The following OR4Q3 variants were observed in gnomAD, a reference collection of about 807,000 sequenced individuals.
OR4Q3 encodes olfactory receptor family 4 subfamily Q member 3.
A neutral mutation model predicts 18.8 loss-of-function variants in OR4Q3; 17 were observed. The ratio of observed to expected loss-of-function variants is 0.91; its 90% CI spans 0.62 to 1.36. The LOEUF is 1.36. Among genes scored for constraint, OR4Q3 ranks in the 40% most tolerant of loss-of-function variants. The pLI is 0.00. For synonymous variants in OR4Q3, 158 were observed against 145.8 expected (o/e 1.08, Z -0.60); for missense variants, 378 against 373.4 (o/e 1.01, Z -0.10).
At chr14:19,744,385 G>A (rs4396455) in intron 1 of OR4Q3, among the ~76,000 whole-genome samples, 19,224 of 149,282 alleles carry the variant, frequency 0.13, 559 homozygotes, top group South Asian at 0.23. Context: ...AGCAAAATAT[G>A]GTATACTGTT....
exon 2 of OR4Q3, chr14:19,749,253 C>T: frequency 6.6e-6 from 1 of 152,262 alleles, no homozygotes. Context: ...AATAAATTTA[C>T]TTAACTTCAT....
At chr14:19,747,324 A>G in intron 1 of OR4Q3, 82 bp from the exon 2 acceptor site, 1 of 582,974 alleles carries the variant, frequency 1.7e-6, no homozygotes, top group Non-Finnish European at 2.6e-6. Context: ...TATGTAATTT[A>G]TATATTATAT....
chr14:19,748,514 C>A, exon 2 of OR4Q3: 1 of 679,640 alleles, frequency 1.5e-6, no homozygotes, highest in Non-Finnish European at 2.4e-6. Flanking sequence ...CTCTTGATTA[C>A]AATTTAAAAG....
intron 1 of OR4Q3, among the ~76,000 whole-genome samples, chr14:19,743,898 G>A (rs1877370621): frequency 6.6e-6 from 1 of 152,130 alleles, no homozygotes; most frequent in South Asian, 2.1e-4. Context: ...AGGGCTAGTG[G>A]CATCTTAGAA....
At chr14:19,746,104 A>G in intron 1 of OR4Q3, among the ~76,000 whole-genome samples, 1 of 151,980 alleles carries the variant, frequency 6.6e-6, no homozygotes, top group Non-Finnish European at 1.5e-5. Context: ...TAAATACCTG[A>G]TATCTAGTAT....
exon 2 of OR4Q3, chr14:19,748,141 C>A: frequency 3.1e-6 from 5 of 1,614,094 alleles, no homozygotes; most frequent in Non-Finnish European, 4.2e-6. Flanking sequence ...ACAAGGTCTT[C>A]TCTACCTGTG....
chr14:19,749,247 A>C, exon 2 of OR4Q3: 2 of 152,248 alleles, frequency 1.3e-5, no homozygotes, highest in Admixed American at 6.6e-5. Context: ...TTGAGGAATA[A>C]ATTTACTTAA....
At chr14:19,750,393 T>A, downstream of OR4Q3, among the ~76,000 whole-genome samples, 1 of 152,242 alleles carries the variant, frequency 6.6e-6, no homozygotes, top group South Asian at 2.1e-4. Context: ...TGACATAGGA[T>A]CCTTGCAATA....
At chr14:19,746,608 C>T in intron 1 of OR4Q3, among the ~76,000 whole-genome samples, 5 of 152,138 alleles carry the variant, frequency 3.3e-5, no homozygotes, top group Non-Finnish European at 7.4e-5. Context: ...GAGTCTGACG[C>T]TTCCCTAAAT....
exon 1 of OR4Q3, chr14:19,743,588 G>A (rs1215387288): frequency 6.6e-6 from 1 of 152,464 alleles, no homozygotes; most frequent in South Asian, 2.1e-4. Context: ...TTGCTGGCCT[G>A]AGGCTGAAGA....
intron 1 of OR4Q3, among the ~76,000 whole-genome samples, chr14:19,746,469 G>C: frequency 6.6e-6 from 1 of 152,104 alleles, no homozygotes; most frequent in Non-Finnish European, 1.5e-5. Context: ...CACAACTCTG[G>C]TTTCTCTTAT....
chr14:19,748,451 C>T, exon 2 of OR4Q3: 4 of 1,008,668 alleles, frequency 4.0e-6, no homozygotes, highest in Non-Finnish European at 4.4e-6. Context: ...GTAAAAACCA[C>T]TTTGATGACG....
chr14:19,744,848 G>T, intron 1 of OR4Q3, among the ~76,000 whole-genome samples: 1 of 152,122 alleles, frequency 6.6e-6, no homozygotes, highest in East Asian at 1.9e-4. Context: ...CCTTCATGTT[G>T]ATGGGTGTAT....
chr14:19,748,055 G>T, exon 2 of OR4Q3: 3 of 1,614,014 alleles, frequency 1.9e-6, no homozygotes, highest in Non-Finnish European at 1.7e-6. Context: ...GCTGTCTCTT[G>T]TCTGCTTCTT....
chr14:19,745,751 G>A, intron 1 of OR4Q3, among the ~76,000 whole-genome samples: 247 of 152,272 alleles, frequency 1.6e-3, no homozygotes, highest in Non-Finnish European at 3.0e-3. Context: ...AAAGATTAGA[G>A]AATTTTCAAT....
chr14:19,750,506 T>C, downstream of OR4Q3, among the ~76,000 whole-genome samples: 1 of 152,244 alleles, frequency 6.6e-6, no homozygotes, highest in African/African-American at 2.4e-5. Flanking sequence ...TCCTAATGAA[T>C]TGCCATAGAG....
chr14:19,752,144 T>G, downstream of OR4Q3, among the ~76,000 whole-genome samples: 2 of 152,150 alleles, frequency 1.3e-5, no homozygotes, highest in Non-Finnish European at 2.9e-5. Flanking sequence ...CCAAAGAAAT[T>G]GCAACAAAAC....
intron 1 of OR4Q3, among the ~76,000 whole-genome samples, chr14:19,745,928 A>G: frequency 6.6e-6 from 1 of 152,184 alleles, no homozygotes; most frequent in Non-Finnish European, 1.5e-5. Flanking sequence ...ATATAGGCAG[A>G]TGAAGAGGAT....
chr14:19,744,936 G>A, intron 1 of OR4Q3, among the ~76,000 whole-genome samples: 1 of 152,130 alleles, frequency 6.6e-6, no homozygotes, highest in African/African-American at 2.4e-5. Context: ...CAGAAGCTGG[G>A]AGATGACTCT....
Sources: allele counts gnomAD v4.1 joint callset (sites outside exome capture counted in the v4.1 genomes callset), GRCh38; gene constraint gnomAD v4.1.1; transcripts MANE v1.5; gene names NCBI Gene and HGNC (gene_info 2026-07-23, HGNC 2026-07-21).